The following PRKCH variants were observed in gnomAD, a reference collection of about 807,000 sequenced individuals.
PRKCH encodes the protein protein kinase C eta type.
In PRKCH, 28 loss-of-function variants were observed where a neutral mutation model predicts 82.5. That is an observed-to-expected ratio of 0.34 (90% CI 0.25 to 0.47). The LOEUF (loss-of-function observed/expected upper bound fraction) is 0.47. Among genes scored for constraint, PRKCH ranks in the 20% least tolerant of loss-of-function variants. The pLI is 1.00. For synonymous variants in PRKCH, 322 were observed against 327.4 expected (o/e 0.98, Z 0.18); for missense variants, 705 against 881.8 (o/e 0.80, Z 2.54).
intron 10 of PRKCH, among the ~76,000 whole-genome samples, chr14:61,489,962 C>G (rs556629424): frequency 6.6e-6 from 1 of 152,296 alleles, no homozygotes; most frequent in Admixed American, 6.5e-5. Context: ...AATACTGTAT[C>G]TGAAATATGT....
chr14:61,415,701 T>A (rs1242432588), intron 2 of PRKCH, among the ~76,000 whole-genome samples: 2 of 152,176 alleles, frequency 1.3e-5, no homozygotes, highest in African/African-American at 4.8e-5. Context: ...AAAATCTACC[T>A]TCTGAACCAT....
chr14:61,283,213 C>T (rs922111660), intron 1 of PRKCH, among the ~76,000 whole-genome samples: 5 of 152,166 alleles, frequency 3.3e-5, no homozygotes, highest in African/African-American at 1.2e-4. Flanking sequence ...ATCACCACCA[C>T]ACCCCTAAAA....
intron 1 of PRKCH, among the ~76,000 whole-genome samples, chr14:61,376,019 A>T (rs961319844): frequency 7.2e-6 from 1 of 138,944 alleles, no homozygotes; most frequent in Non-Finnish European, 1.6e-5. Context: ...TTCTGTCTCA[A>T]AAAAAAAAAA....
At chr14:61,296,489 G>T (rs1189966202) in intron 1 of PRKCH, among the ~76,000 whole-genome samples, 2 of 152,170 alleles carry the variant, frequency 1.3e-5, no homozygotes, top group East Asian at 1.9e-4. Flanking sequence ...TCATGCCACG[G>T]GGTGCATCTT....
chr14:61,391,263 A>G lies in PRKCH; in HGVS notation c.402A>G (p.Ile134Met), dbSNP rs2046676834. 6.2e-7 allele frequency: 1 copy of G among 1,611,274 alleles called. No homozygotes were observed. Among genetic ancestry groups the G allele is most frequent in the African/African-American group, 1.3e-5 (1 of 74,826 alleles). ...CAGAGGGGAAAGTATTTGTGGTAAT[A>G]ACCCTTACCGGGAGTTTCACTGAAG... ...LEPEGKVFVVITLTGSFTEAT... is the reference protein window; with the variant it reads ...LEPEGKVFVVMTLTGSFTEAT... The change falls in exon 2 of 14, where the codon ATA becomes ATG. Residue 134 changes from isoleucine to methionine, a missense_variant. By Grantham distance (10) the Ile-to-Met change is conservative. Transcript: ENST00000332981.
intron 1 of PRKCH, among the ~76,000 whole-genome samples, chr14:61,343,078 T>C (rs1038650784): frequency 6.6e-6 from 1 of 152,228 alleles, no homozygotes. Context: ...CCTTTACTTT[T>C]ATCTGACTGC....
chr14:61,400,890 C>A (rs1362183023), intron 2 of PRKCH, among the ~76,000 whole-genome samples: 2 of 152,176 alleles, frequency 1.3e-5, no homozygotes, highest in African/African-American at 4.8e-5. Context: ...AGTGCCAGAG[C>A]CCAGACACAA....
At chr14:61,296,199 T>C (rs968373762) in intron 1 of PRKCH, among the ~76,000 whole-genome samples, 1 of 152,206 alleles carries the variant, frequency 6.6e-6, no homozygotes, top group Non-Finnish European at 1.5e-5. Flanking sequence ...GCAATTCTTA[T>C]GGGGGAGTTA....
intron 13 of PRKCH, among the ~76,000 whole-genome samples, chr14:61,549,172 G>A (rs1055535117): frequency 4.6e-5 from 7 of 152,168 alleles, no homozygotes; most frequent in Non-Finnish European, 8.8e-5. Flanking sequence ...AGGGCGTAAC[G>A]CATCTACCTA....
chr14:61,380,751 C>T (rs2046494850), intron 1 of PRKCH, among the ~76,000 whole-genome samples: 1 of 152,186 alleles, frequency 6.6e-6, no homozygotes, highest in Non-Finnish European at 1.5e-5. Flanking sequence ...ACACATAACA[C>T]TAGAGCACAC....
chr14:61,375,604 G>GA (rs1262558939), intron 1 of PRKCH, among the ~76,000 whole-genome samples: 1 of 151,974 alleles, frequency 6.6e-6, no homozygotes, highest in Non-Finnish European at 1.5e-5. Context: ...GCAGAGCAGA[G>GA]AGAGAGAGAG....
intron 2 of PRKCH, among the ~76,000 whole-genome samples, chr14:61,439,014 C>T (rs149699192): frequency 1.3e-5 from 2 of 152,150 alleles, no homozygotes; most frequent in African/African-American, 4.8e-5. Context: ...ACAGAGCCAG[C>T]TTCCTATTTA....
chr14:61,260,071 C>A (rs1415768434), intron 1 of PRKCH, among the ~76,000 whole-genome samples: 3 of 152,172 alleles, frequency 2.0e-5, no homozygotes, highest in Admixed American at 2.0e-4. Context: ...TAATATGAAA[C>A]TTCCGTATCA....
intron 10 of PRKCH, among the ~76,000 whole-genome samples, chr14:61,504,438 C>A (rs1465377643): frequency 6.6e-6 from 1 of 152,174 alleles, no homozygotes; most frequent in Non-Finnish European, 1.5e-5. Flanking sequence ...CATCTACTCA[C>A]CTCGGCCTCC....
In PRKCH at chr14:61,396,081, GAA is replaced by G. The variant is rs34478520; in HGVS notation, c.427+4809_427+4810del. 9.2e-3 allele frequency among the ~76,000 whole-genome samples: 1,104 copies of G among 120,530 alleles called. 4 individuals carry two copies. The highest frequency in any genetic ancestry group is 0.014 in the Non-Finnish European group (792 of 58,200). 79.1% of individuals were successfully genotyped at this position (120,530 alleles called of 152,430 possible). A position where few individuals can be genotyped will look rare whatever the true frequency, so the allele number is the denominator to read the frequency against. ...GGTGACAGAGTGAAACCTTGTTTCA[GAA>G]AAAAAAAAAAAAAAAGAAAAGAAAA... is the stretch of plus-strand genomic sequence containing the variant. On this transcript the variant is annotated intron_variant, in intron 2 of 13. Coordinates refer to ENST00000332981, the MANE Select transcript of PRKCH (RefSeq NM_006255.5).
chr14:61,508,249 A>G (rs1293688855), intron 10 of PRKCH, among the ~76,000 whole-genome samples: 1 of 152,172 alleles, frequency 6.6e-6, no homozygotes, highest in African/African-American at 2.4e-5. Context: ...TGATTTGATT[A>G]AAACAACTGT....
At chr14:61,513,196 A>T (rs1258858381) in intron 10 of PRKCH, among the ~76,000 whole-genome samples, 1 of 152,132 alleles carries the variant, frequency 6.6e-6, no homozygotes, top group African/African-American at 2.4e-5. Context: ...CTTTACACTC[A>T]AGGGGTGTAT....
At chr14:61,414,232 G>A (rs1342292726) in intron 2 of PRKCH, among the ~76,000 whole-genome samples, 1 of 150,978 alleles carries the variant, frequency 6.6e-6, no homozygotes, top group East Asian at 1.9e-4. Context: ...AGCTTCCTGT[G>A]TCCAGTCGTG....
intron 1 of PRKCH, among the ~76,000 whole-genome samples, chr14:61,233,184 G>C (rs2044758269): frequency 6.6e-6 from 1 of 152,076 alleles, no homozygotes; most frequent in South Asian, 2.1e-4. Context: ...GGTTCCAAAA[G>C]CCAGAGTGTC....
Sources: gnomAD v4.1 joint callset for allele counts (sites outside exome capture counted in the v4.1 genomes callset) on GRCh38, gnomAD v4.1.1 for gene constraint, MANE v1.5 for transcripts, NCBI Gene and HGNC (gene_info 2026-07-23, HGNC 2026-07-21) for gene names.